MVB12B: variants seen among roughly 807,000 people sequenced by gnomAD.
The protein encoded by MVB12B is ESCRT-I complex subunit MVB12B.
In MVB12B, 16 loss-of-function variants were observed where a neutral mutation model predicts 41.6. The ratio of observed to expected loss-of-function variants is 0.38; its 90% CI spans 0.26 to 0.58. The LOEUF (loss-of-function observed/expected upper bound fraction) is 0.58, where lower values mean the gene tolerates loss of function less well. Ranked by LOEUF, MVB12B falls within the 20% of genes least tolerant of loss-of-function variation. The pLI is 0.62. For missense variants in MVB12B, 274 were observed against 380.2 expected (o/e 0.72, Z 2.32); for synonymous variants, 133 against 139.7 (o/e 0.95, Z 0.34).
At chr9:126,414,286 C>T (rs1255336944) in intron 6 of MVB12B, among the ~76,000 whole-genome samples, 2 of 152,252 alleles carry the variant, frequency 1.3e-5, no homozygotes, top group South Asian at 2.1e-4. Context: ...TTAGCTGGAG[C>T]CGTCATCGCT....
intron 2 of MVB12B, among the ~76,000 whole-genome samples, chr9:126,368,806 C>A (rs1374612018): frequency 6.6e-6 from 1 of 152,148 alleles, no homozygotes; most frequent in Non-Finnish European, 1.5e-5. Flanking sequence ...TTCAACCACA[C>A]CAGTTTGCTC....
At chr9:126,428,957 A>G (rs543277000) in intron 7 of MVB12B, among the ~76,000 whole-genome samples, 15 of 152,182 alleles carry the variant, frequency 9.9e-5, no homozygotes, top group Admixed American at 3.3e-4. Context: ...TCTTCGCTCC[A>G]CAGAGGATTT....
intron 7 of MVB12B, among the ~76,000 whole-genome samples, chr9:126,467,319 A>G (rs1429371628): frequency 6.6e-6 from 1 of 152,146 alleles, no homozygotes; most frequent in Non-Finnish European, 1.5e-5. Flanking sequence ...AATCCTCCTG[A>G]GGCCATCGAT....
At chr9:126,397,996 G>C (rs1831165054) in intron 6 of MVB12B, among the ~76,000 whole-genome samples, 1 of 152,068 alleles carries the variant, frequency 6.6e-6, no homozygotes, top group African/African-American at 2.4e-5. Context: ...CTGCACACCA[G>C]CTCCGGGATT....
chr9:126,412,187 C>A (rs149720714), intron 6 of MVB12B, among the ~76,000 whole-genome samples: 1 of 152,170 alleles, frequency 6.6e-6, no homozygotes, highest in Non-Finnish European at 1.5e-5. Context: ...GACTCCCGCA[C>A]CCTGCTTGTG....
At position 126,402,106 on chromosome 9, in the gene MVB12B, C is replaced by T. The variant is rs1442711015; in HGVS notation, c.662+6409C>T. 3.9e-5 allele frequency among the ~76,000 whole-genome samples: 6 copies of T among 152,128 alleles called. No homozygotes were observed. The East Asian group carries it at 1.2e-3, about 29-fold the overall frequency. Reference sequence around the variant, plus strand: ...GGCATTTGCCTGTGAGAAGTTTCTCCCTAGGGTTCAGTAGGGGAAGGCTCA... The same window carrying T: ...GGCATTTGCCTGTGAGAAGTTTCTCTCTAGGGTTCAGTAGGGGAAGGCTCA... On this transcript the variant is annotated intron_variant, in intron 6 of 9. Coordinates refer to ENST00000361171, the MANE Select transcript of MVB12B (RefSeq NM_033446.3).
At chr9:126,361,217 A>G (rs1054486397) in intron 2 of MVB12B, among the ~76,000 whole-genome samples, 2 of 150,546 alleles carry the variant, frequency 1.3e-5, no homozygotes, top group African/African-American at 2.5e-5. Flanking sequence ...TACCAGTTCT[A>G]TTTCTTTTTG....
At chr9:126,354,283 A>G (rs924286275) in intron 2 of MVB12B, among the ~76,000 whole-genome samples, 1 of 152,136 alleles carries the variant, frequency 6.6e-6, no homozygotes, top group African/African-American at 2.4e-5. Context: ...AGTCTTGTTC[A>G]TAGTATCACA....
intron 7 of MVB12B, among the ~76,000 whole-genome samples, chr9:126,471,718 G>C (rs897856018): frequency 6.6e-6 from 1 of 152,140 alleles, no homozygotes; most frequent in African/African-American, 2.4e-5. Context: ...CTTTTGAAAC[G>C]CCACAGGAAA....
At chr9:126,481,834 T>C (rs539939767) in intron 8 of MVB12B, among the ~76,000 whole-genome samples, 8 of 152,336 alleles carry the variant, frequency 5.3e-5, no homozygotes, top group Admixed American at 5.2e-4. Context: ...TCCAACTTAG[T>C]AAGTTTTGTT....
chr9:126,417,935 G>A (rs181714706), intron 6 of MVB12B, among the ~76,000 whole-genome samples: 2 of 152,278 alleles, frequency 1.3e-5, no homozygotes, highest in South Asian at 2.1e-4. Context: ...AGAGGGAGTG[G>A]CATGGATAAA....
rs1315534812 is a variant in MVB12B, at chr9:126,468,964, A to G, written c.758-12405A>G. On this transcript the variant is annotated intron_variant, in intron 7 of 9. Transcript: ENST00000361171. This position sits in a 1 kb window ranked among gnomAD's most constrained non-coding sequence, Gnocchi z 4.3. ...GTCAATTGAAAAAAAGTAAATTGCAAAACAGTTACTTATGCTGTGATGCTA... is the reference window on the plus strand; with the variant it reads ...GTCAATTGAAAAAAAGTAAATTGCAGAACAGTTACTTATGCTGTGATGCTA... 6.6e-6 allele frequency among the ~76,000 whole-genome samples: 1 copy of G among 152,220 alleles called. No individual in the cohort carries two copies. The highest frequency in any genetic ancestry group is 2.4e-5 in the African/African-American group (1 of 41,464).
intron 9 of MVB12B, among the ~76,000 whole-genome samples, chr9:126,500,944 C>T (rs1833942595): frequency 1.3e-5 from 2 of 152,258 alleles, no homozygotes; most frequent in Non-Finnish European, 2.9e-5. Context: ...GGCATGCCCG[C>T]CCCCTCCTCT....
chr9:126,474,098 G>A (rs1189159436), intron 7 of MVB12B, among the ~76,000 whole-genome samples: 2 of 152,182 alleles, frequency 1.3e-5, no homozygotes, highest in Non-Finnish European at 2.9e-5. Flanking sequence ...TAGGTTGTGA[G>A]TGCAGACTGG....
intron 2 of MVB12B, among the ~76,000 whole-genome samples, chr9:126,377,272 G>A (rs1830508285): frequency 6.6e-6 from 1 of 152,222 alleles, no homozygotes; most frequent in South Asian, 2.1e-4. Context: ...GTGAGTGTGA[G>A]TGTGCAAGAG....
At chr9:126,427,547 G>A (rs1564325564) in intron 7 of MVB12B, among the ~76,000 whole-genome samples, 2 of 152,050 alleles carry the variant, frequency 1.3e-5, no homozygotes, top group Non-Finnish European at 2.9e-5. Context: ...CTATTCTTTT[G>A]TTGTGTTTGT....
chr9:126,428,591 A>C (rs1157034601), intron 7 of MVB12B, among the ~76,000 whole-genome samples: 1 of 152,206 alleles, frequency 6.6e-6, no homozygotes, highest in East Asian at 1.9e-4. Context: ...TGAAGGGTAA[A>C]AGACTCAAAC....
chr9:126,358,891 G>A (rs970329493), intron 2 of MVB12B, among the ~76,000 whole-genome samples: 2 of 152,036 alleles, frequency 1.3e-5, no homozygotes, highest in Non-Finnish European at 2.9e-5. Flanking sequence ...GAAAGCATTC[G>A]GTGTTTCACC....
In MVB12B at chr9:126,336,754, G is replaced by GCGCACACA. The variant is rs1554766432; in HGVS notation, c.82-3753_82-3752insGCACACAC. 3.0e-4 allele frequency among the ~76,000 whole-genome samples: 45 copies of GCGCACACA among 150,402 alleles called. 1 individual carries two copies. The highest frequency in any genetic ancestry group is 8.6e-4 in the African/African-American group (35 of 40,870). ...CGCACATACATGTTTGTGTGTGCAC[G>GCGCACACA]CACACACACACACACACACACACAC... On this transcript the variant is annotated intron_variant, in intron 1 of 9. Coordinates refer to ENST00000361171, the MANE Select transcript of MVB12B (RefSeq NM_033446.3).
Sources: gnomAD v4.1 joint callset for allele counts (sites outside exome capture counted in the v4.1 genomes callset) on GRCh38, gnomAD v4.1.1 for gene constraint, Gnocchi (gnomAD v3.1) non-coding constraint, MANE v1.5 for transcripts, NCBI Gene and HGNC (gene_info 2026-07-23, HGNC 2026-07-21) for gene names.